The following PCDHGB2 variants were observed in gnomAD, a reference collection of about 807,000 sequenced individuals.
The protein encoded by PCDHGB2 is protocadherin gamma-B2.
A neutral mutation model predicts 59.3 loss-of-function variants in PCDHGB2; 55 were observed. The ratio of observed to expected loss-of-function variants is 0.93; its 90% confidence interval spans 0.75 to 1.16. The LOEUF is 1.16. Ranked by LOEUF, PCDHGB2 falls within the 50% of genes most tolerant of loss-of-function variation. PCDHGB2 has a pLI of 0.00. For synonymous variants in PCDHGB2, 516 were observed against 512.0 expected (o/e 1.01, Z -0.11); for missense variants, 1,228 against 1,198.5 (o/e 1.02, Z -0.36).
At chr5:141,391,306 C>CTTTTTTTTTTTT in intron 1 of PCDHGB2, 1 of 146,116 alleles carries the variant, frequency 6.8e-6, no homozygotes. Flanking sequence ...TCTTTCGATT[C>CTTTTTTTTTTTT]TTTTTTTTTT....
intron 1 of PCDHGB2, chr5:141,423,652 A>G (rs746768292): frequency 1.9e-6 from 3 of 1,583,268 alleles, no homozygotes; most frequent in Non-Finnish European, 2.6e-6. Flanking sequence ...TGACCCGACA[A>G]GTAATCAGGT....
At chr5:141,381,889 G>T (rs1385598954) in intron 1 of PCDHGB2, among the ~76,000 whole-genome samples, 1 of 132,634 alleles carries the variant, frequency 7.5e-6, no homozygotes, top group Non-Finnish European at 1.5e-5. Context: ...GAGTGCAATG[G>T]TGTGATCTCG....
rs2099694486 is a variant in PCDHGB2 at position 141,489,987 on chromosome 5, G to A, written c.2422-4820G>A. The A allele has an allele frequency of 1.2e-6, 2 of 1,614,106 alleles. No homozygotes were observed. The highest frequency in any genetic ancestry group is 1.3e-5 in the African/African-American group (1 of 74,932). The stretch of plus-strand genomic sequence containing the variant: ...CCTTCCAATCCTCAGTTCTACGTGT[G>A]GGAATCCCAGAGAATGCACCCATTG... On this transcript the variant is annotated intron_variant, in intron 1 of 3. Coordinates refer to ENST00000522605, the MANE Select transcript of PCDHGB2 (RefSeq NM_018923.3). The surrounding 1 kb of genome is among the most constrained non-coding windows in gnomAD (Gnocchi z 4.5).
intron 1 of PCDHGB2, chr5:141,388,994 T>C: frequency 6.2e-7 from 1 of 1,614,042 alleles, no homozygotes; most frequent in Non-Finnish European, 8.5e-7. Flanking sequence ...TCAAAGTCCG[T>C]GACAAGGATT....
chr5:141,408,889 A>G, intron 1 of PCDHGB2: 1 of 1,613,232 alleles, frequency 6.2e-7, no homozygotes, highest in Non-Finnish European at 8.5e-7. Flanking sequence ...CTCACATAGA[A>G]ATTTCTGTCA....
intron 1 of PCDHGB2, among the ~76,000 whole-genome samples, chr5:141,494,547 C>T (rs2099755185): frequency 6.6e-6 from 1 of 152,106 alleles, no homozygotes; most frequent in East Asian, 1.9e-4. Context: ...GAGGAAGGGG[C>T]CATTTCTTTA....
At chr5:141,412,729 T>C (rs1411212101) in intron 1 of PCDHGB2, 1 of 153,332 alleles carries the variant, frequency 6.5e-6, no homozygotes, top group Non-Finnish European at 1.5e-5. Flanking sequence ...GAAAACGTGT[T>C]GCAAATATAT....
intron 1 of PCDHGB2, among the ~76,000 whole-genome samples, chr5:141,468,798 G>A (rs895012127): frequency 7.9e-5 from 12 of 151,646 alleles, no homozygotes; most frequent in East Asian, 2.0e-4. Context: ...CCCGGGAGGC[G>A]GAACTTGCAG....
intron 1 of PCDHGB2, among the ~76,000 whole-genome samples, chr5:141,450,162 A>T (rs2098671900): frequency 6.6e-6 from 1 of 151,624 alleles, no homozygotes; most frequent in Admixed American, 6.6e-5. Flanking sequence ...ATGTGCCACC[A>T]CACTCCCACC....
At chr5:141,498,971 GGGAAGGAA>G (rs201769957) in intron 2 of PCDHGB2, among the ~76,000 whole-genome samples, 18,877 of 110,786 alleles carry the variant, frequency 0.17, 1,784 homozygotes, top group Admixed American at 0.31. Context: ...GAGGGAGGGA[GGGAAGGAA>G]GGAAGGAAGG....
intron 2 of PCDHGB2, among the ~76,000 whole-genome samples, chr5:141,495,128 G>T (rs1408872159): frequency 2.6e-5 from 4 of 152,160 alleles, no homozygotes; most frequent in African/African-American, 9.7e-5. Flanking sequence ...TCCCCTGAGG[G>T]CACTGTGGAA....
chr5:141,399,405 G>A (rs768053678), intron 1 of PCDHGB2: 1 of 1,613,974 alleles, frequency 6.2e-7, no homozygotes, highest in Admixed American at 1.7e-5. Flanking sequence ...GGGGCAAGCC[G>A]CCCCTCTCCT....
intron 1 of PCDHGB2, among the ~76,000 whole-genome samples, chr5:141,429,386 T>TA (rs1561841076): frequency 9.9e-5 from 15 of 151,936 alleles, no homozygotes; most frequent in South Asian, 8.3e-4. Flanking sequence ...TGTTTTTTTT[T>TA]TAAAAAAAAT....
intron 1 of PCDHGB2, chr5:141,407,978 A>ATCCGTCAGCCTCTGGCCTGGGAT (rs2095018425): frequency 2.7e-6 from 2 of 743,974 alleles, no homozygotes; most frequent in Non-Finnish European, 4.1e-6. Context: ...GACGCCGGGG[A>ATCCGTCAGCCTCTGGCCTGGGAT]TCCGTCAGCC....
intron 1 of PCDHGB2, chr5:141,398,873 T>G (rs2093718804): frequency 5.0e-6 from 8 of 1,613,254 alleles, no homozygotes; most frequent in Non-Finnish European, 6.8e-6. Context: ...GTGTACAGAG[T>G]CAGCCTTCGG....
At chr5:141,389,080 C>T (rs762866893) in intron 1 of PCDHGB2, 8 of 1,613,866 alleles carry the variant, frequency 5.0e-6, no homozygotes, top group African/African-American at 2.7e-5. Flanking sequence ...TCAAGAAACA[C>T]GTATAAATTA....
Position 141,366,042 on chromosome 5 carries a change from G to T in PCDHGB2, c.2421+3486G>T, listed in dbSNP as rs1221134506. 8.1e-6 allele frequency: 13 copies of T among 1,614,242 alleles called. No individual in the cohort carries two copies. In the Middle Eastern group the frequency reaches 4.9e-4, roughly 61 times the overall value. The stretch of plus-strand genomic sequence containing the variant: ...CTGTACCCCGCCCTCCCCACAGACG[G>T]TTCCACGGGCGTGGAGCTGGCGCCT... On this transcript the variant is annotated intron_variant, in intron 1 of 3. Transcript: ENST00000522605.
At chr5:141,482,458 C>T (rs986628162) in intron 1 of PCDHGB2, among the ~76,000 whole-genome samples, 1 of 147,624 alleles carries the variant, frequency 6.8e-6, no homozygotes, top group Non-Finnish European at 1.5e-5. Context: ...ATTAGCATCC[C>T]TATGTGCCAG....
chr5:141,377,469 A>G (rs6896353), intron 1 of PCDHGB2: 23,351 of 151,970 alleles, frequency 0.15, 2,565 homozygotes, highest in African/African-American at 0.32. Context: ...TGTGGCGTAC[A>G]CCTGTAGTCC....
Sources: gnomAD v4.1 joint callset for allele counts (sites outside exome capture counted in the v4.1 genomes callset) on GRCh38, gnomAD v4.1.1 for gene constraint, Gnocchi (gnomAD v3.1) non-coding constraint, MANE v1.5 for transcripts, NCBI Gene and HGNC (gene_info 2026-07-23, HGNC 2026-07-21) for gene names.